Variants in LIMK1 observed in about 807,000 individuals in gnomAD.
LIMK1 encodes LIM domain kinase 1.
Under a neutral mutation model 77.6 loss-of-function variants are expected in LIMK1, and 21 were observed. The ratio of observed to expected loss-of-function variants is 0.27; its 90% CI spans 0.19 to 0.39. LIMK1 has a LOEUF of 0.39. LIMK1 is among the 10% of genes least tolerant of loss of function. The pLI is 1.00. For synonymous variants in LIMK1, 358 were observed against 370.0 expected (o/e 0.97, Z 0.37); for missense variants, 696 against 901.6 (o/e 0.77, Z 2.92).
intron 2 of LIMK1, among the ~76,000 whole-genome samples, chr7:74,092,393 A>G (rs1406045563): frequency 6.6e-6 from 1 of 152,176 alleles, no homozygotes; most frequent in African/African-American, 2.4e-5. Context: ...GGGGGCCTGC[A>G]GGCTGCTGGA....
intron 5 of LIMK1, among the ~76,000 whole-genome samples, chr7:74,104,827 G>A (rs1465689631): frequency 1.3e-5 from 2 of 152,156 alleles, no homozygotes; most frequent in African/African-American, 4.8e-5. Context: ...ATAGAGCTTG[G>A]CCTCCTCTTG....
intron 4 of LIMK1, 27 bp downstream of exon 4, chr7:74,097,216 C>G: frequency 6.9e-7 from 1 of 1,455,810 alleles, no homozygotes; most frequent in Non-Finnish European, 9.4e-7. Flanking sequence ...CTCCCTGAGC[C>G]TAGGAGGCCC....
intron 1 of LIMK1, 90 bp downstream of exon 1, chr7:74,084,135 C>T: frequency 1.6e-6 from 1 of 615,802 alleles, no homozygotes; most frequent in Non-Finnish European, 2.6e-6. Context: ...TGCCAGGAGG[C>T]CGCGCCCCTG....
At chr7:74,091,124 C>T (rs1477858473) in intron 2 of LIMK1, among the ~76,000 whole-genome samples, 1 of 152,034 alleles carries the variant, frequency 6.6e-6, no homozygotes, top group Non-Finnish European at 1.5e-5. Flanking sequence ...CGAGGTTTCG[C>T]TGTGTGAGCC....
At position 74,097,184 on chromosome 7, in the gene LIMK1, G is replaced by A; in HGVS notation, c.396G>A (p.Leu132=). 1 of 1,602,620 alleles carries A rather than the reference G, an allele frequency of 6.2e-7. No individual in the cohort carries two copies. The highest frequency in any genetic ancestry group is 1.1e-5 in the South Asian group (1 of 89,884). The change falls in exon 4 of 16, where the codon CTG becomes CTA. Residue 132 remains leucine, a synonymous_variant. Transcript: ENST00000336180. ...DTYTLVEHSK[L]YCGHCYYQTV... The stretch of plus-strand genomic sequence containing the variant: ...ACACGCTGGTGGAGCACTCCAAGCT[G>A]TACTGGTGAGTGCCTTGGCCCCTCC...
intron 13 of LIMK1, among the ~76,000 whole-genome samples, chr7:74,118,377 AACACAC>A (rs57707215): frequency 0.11 from 14,384 of 129,978 alleles, 812 homozygotes; most frequent in South Asian, 0.17. Context: ...CTCTGTGTCA[AACACAC>A]ACACACACAC....
intron 2 of LIMK1, 31 bp downstream of exon 2, chr7:74,085,875 C>G: frequency 6.7e-7 from 1 of 1,496,230 alleles, no homozygotes; most frequent in South Asian, 1.2e-5. Context: ...CCTGTGTTGC[C>G]CTAAACAAGG....
intron 1 of LIMK1, 69 bp from the exon 2 acceptor site, chr7:74,085,679 A>G (rs1201262684): frequency 8.0e-7 from 1 of 1,251,652 alleles, no homozygotes; most frequent in Non-Finnish European, 1.1e-6. Context: ...TGGGGTGGGC[A>G]GGGCAAGCTG....
intron 4 of LIMK1, among the ~76,000 whole-genome samples, chr7:74,098,032 C>G (rs178403): frequency 4.6e-5 from 7 of 152,218 alleles, no homozygotes; most frequent in Non-Finnish European, 7.3e-5. Flanking sequence ...TCAATGTGAT[C>G]ACCAACCAGG....
chr7:74,092,774 C>T (rs1194726074), intron 2 of LIMK1, among the ~76,000 whole-genome samples: 1 of 152,212 alleles, frequency 6.6e-6, no homozygotes, highest in Non-Finnish European at 1.5e-5. Context: ...TGCAACCTCC[C>T]TTTCTTCAGG....
chr7:74,112,172 G>A (rs965705815), intron 12 of LIMK1, among the ~76,000 whole-genome samples, 174 bp downstream of exon 12: 3 of 152,180 alleles, frequency 2.0e-5, no homozygotes, highest in Non-Finnish European at 4.4e-5. Flanking sequence ...TCAGGAGGCA[G>A]ACAGACCTGG....
At chr7:74,118,259 C>T (rs564133463) in intron 13 of LIMK1, among the ~76,000 whole-genome samples, 44 of 151,510 alleles carry the variant, frequency 2.9e-4, no homozygotes, top group Non-Finnish European at 4.7e-4. Flanking sequence ...CGTCTGTAGT[C>T]CCAGCTACCC....
At chr7:74,106,283 C>T (rs782053862) in intron 7 of LIMK1, 40 bp downstream of exon 7, 3 of 1,566,662 alleles carry the variant, frequency 1.9e-6, no homozygotes, top group Non-Finnish European at 2.6e-6. Flanking sequence ...GGTGCTTTCA[C>T]TCCTGCTGGG....
intron 1 of LIMK1, 75 bp downstream of exon 1, chr7:74,084,120 G>C (rs1043389748): frequency 3.7e-6 from 3 of 803,152 alleles, no homozygotes; most frequent in Non-Finnish European, 5.6e-6. Context: ...GGAGGGGGCC[G>C]GGTCTGCCAG....
At position 74,107,968 on chromosome 7, in the gene LIMK1, G is replaced by A. The variant is rs782277772; in HGVS notation, c.1152+11G>A. ...ACGTTCCTCAAGGAGGTCAGTGAGCGGAATGCCCTCTTCCCTCCAGAGGGA... is the reference window on the plus strand; with the variant it reads ...ACGTTCCTCAAGGAGGTCAGTGAGCAGAATGCCCTCTTCCCTCCAGAGGGA... On this transcript the variant is annotated intron_variant, in intron 9 of 15. Transcript: ENST00000336180. 1.2e-5 allele frequency: 19 copies of A among 1,551,224 alleles called. No homozygotes were observed. Among genetic ancestry groups the A allele is most frequent in the Admixed American group, 9.7e-5 (5 of 51,322 alleles).
chr7:74,104,274 C>T (rs1554697023), intron 5 of LIMK1, among the ~76,000 whole-genome samples: 1 of 152,090 alleles, frequency 6.6e-6, no homozygotes, highest in Non-Finnish European at 1.5e-5. Context: ...GCCTTACCCC[C>T]ATCCCCTTTT....
chr7:74,119,475 G>A (rs1799889166), intron 13 of LIMK1, among the ~76,000 whole-genome samples: 3 of 151,244 alleles, frequency 2.0e-5, no homozygotes, highest in Admixed American at 6.7e-5. Context: ...CACTGTGCCC[G>A]GCCATGTACC....
Position 74,099,221 on chromosome 7 carries a change from C to T in LIMK1, c.591C>T (p.His197=), listed in dbSNP as rs1554696162. Residue 197 remains histidine (H), a synonymous_variant, in exon 5 of 16, where the codon CAC becomes CAT. Coordinates refer to ENST00000336180, the MANE Select transcript of LIMK1 (RefSeq NM_002314.4). The stretch of plus-strand genomic sequence containing the variant: ...CGGGCTGTGGCACCGAGCACTCACA[C>T]ACCGTCCGCGTCCAGGGGTGAGTGG... The part of the protein sequence containing the change: ...GPPGCGTEHS[H]TVRVQGVDPG... The T allele has an allele frequency of 6.2e-7, 1 of 1,606,218 alleles. No individual in the cohort carries two copies. Among genetic ancestry groups the T allele is most frequent in the South Asian group, 1.1e-5 (1 of 91,076 alleles).
At chr7:74,114,378 T>G (rs936910591) in intron 12 of LIMK1, among the ~76,000 whole-genome samples, 1 of 150,854 alleles carries the variant, frequency 6.6e-6, no homozygotes, top group East Asian at 2.0e-4. Context: ...ATAAAAAAAT[T>G]TGTCTCTACA....
Sources: gnomAD v4.1 joint callset for allele counts (sites outside exome capture counted in the v4.1 genomes callset) on GRCh38, gnomAD v4.1.1 for gene constraint, MANE v1.5 for transcripts, NCBI Gene and HGNC (gene_info 2026-07-23, HGNC 2026-07-21) for gene names.